Variants in SLC16A2 observed in about 807,000 individuals in gnomAD.
The protein encoded by SLC16A2 is solute carrier family 16 member 2.
Under a neutral mutation model 27.2 loss-of-function variants are expected in SLC16A2, and 3 were observed. The ratio of observed to expected loss-of-function variants is 0.11; its 90% CI spans 0.05 to 0.28. The LOEUF (loss-of-function observed/expected upper bound fraction) is 0.28. Ranked by LOEUF, SLC16A2 falls within the 10% of genes least tolerant of loss-of-function variation. The probability of loss-of-function intolerance (pLI) is 1.00; values close to 1 mark genes in which losing one functional copy is unlikely to be tolerated. For synonymous variants in SLC16A2, 202 were observed against 187.8 expected (o/e 1.08, Z -0.62); for missense variants, 295 against 458.5 (o/e 0.64, Z 3.26).
At chrX:74,524,142 G>GTTAC (rs902587994) in intron 2 of SLC16A2, among the ~76,000 whole-genome samples, 1 of 111,583 alleles carries the variant, frequency 9.0e-6, no homozygotes, top group African/African-American at 3.3e-5. Flanking sequence ...TCCCAGTTAT[G>GTTAC]TTACCTTGGG....
At chrX:74,510,914 A>G (rs1167855360) in intron 1 of SLC16A2, among the ~76,000 whole-genome samples, 42 of 104,865 alleles carry the variant, frequency 4.0e-4, no homozygotes, top group African/African-American at 1.5e-3. Flanking sequence ...AAAAAAAAAT[A>G]GCCGGGTGTG....
chrX:74,476,688 G>A (rs995693562), intron 1 of SLC16A2, among the ~76,000 whole-genome samples: 1 of 112,089 alleles, frequency 8.9e-6, no homozygotes, highest in African/African-American at 3.2e-5. Flanking sequence ...TTAGCATGAA[G>A]GGCTGTTGAA....
chrX:74,469,233 A>G (rs1456008811), intron 1 of SLC16A2, among the ~76,000 whole-genome samples: 2 of 111,768 alleles, frequency 1.8e-5, no homozygotes, highest in African/African-American at 3.2e-5. Flanking sequence ...GTTGATGGGT[A>G]CTTAGGTTGA....
At chrX:74,451,624 G>A (rs1047366667) in intron 1 of SLC16A2, among the ~76,000 whole-genome samples, 3 of 112,730 alleles carry the variant, frequency 2.7e-5, no homozygotes, top group Admixed American at 9.3e-5. Flanking sequence ...TTAGTGATGG[G>A]CCATGAACTA....
chrX:74,466,042 C>T (rs761467066), intron 1 of SLC16A2, among the ~76,000 whole-genome samples: 1 of 111,461 alleles, frequency 9.0e-6, no homozygotes, highest in East Asian at 2.8e-4. Context: ...CAGCAGGAAG[C>T]ATCATTCTTG....
At chrX:74,485,648 T>C (rs895269764) in intron 1 of SLC16A2, among the ~76,000 whole-genome samples, 5 of 111,028 alleles carry the variant, frequency 4.5e-5, no homozygotes, top group African/African-American at 1.6e-4. Flanking sequence ...AATGGAACCT[T>C]GGGCCATGCG....
At chrX:74,495,588 G>A (rs983531442) in intron 1 of SLC16A2, among the ~76,000 whole-genome samples, 2 of 108,300 alleles carry the variant, frequency 1.8e-5, no homozygotes, top group East Asian at 2.9e-4. Flanking sequence ...TGTGACCCTG[G>A]GCAGGGACCT....
intron 1 of SLC16A2, among the ~76,000 whole-genome samples, chrX:74,422,626 C>T (rs781108721): frequency 3.9e-4 from 43 of 111,395 alleles, no homozygotes; most frequent in African/African-American, 1.3e-3. Context: ...GGCAGGCGTG[C>T]GTGTCTGCAA....
In SLC16A2 at chrX:74,524,761, C is replaced by T. The variant is rs536844799; in HGVS notation, c.978C>T (p.Phe326=). The change falls in exon 3 of 6, where the codon TTC becomes TTT. Residue 326 remains phenylalanine (F), a synonymous_variant. Transcript: ENST00000587091. The part of the protein sequence containing the change: ...FRQRTYRIWA[F]GIAAAALGYF... Reference sequence around the variant, plus strand: ...AACGCACTTACCGCATCTGGGCCTTCGGAATTGCTGCTGCTGCCCTTGGCT... The same window carrying T: ...AACGCACTTACCGCATCTGGGCCTTTGGAATTGCTGCTGCTGCCCTTGGCT... The T allele has an allele frequency of 3.4e-5, 41 of 1,209,307 alleles. No homozygotes were observed. The South Asian group carries it at 5.3e-4, about 16-fold the overall frequency.
chrX:74,515,311 T>C (rs374167727), intron 1 of SLC16A2, among the ~76,000 whole-genome samples: 1 of 108,884 alleles, frequency 9.2e-6, no homozygotes, highest in South Asian at 4.1e-4. Flanking sequence ...GAAGAAGGAA[T>C]CAGTGAACTT....
chrX:74,511,893 C>T (rs1421815329), intron 1 of SLC16A2, among the ~76,000 whole-genome samples: 1 of 112,048 alleles, frequency 8.9e-6, no homozygotes, highest in Non-Finnish European at 1.9e-5. Context: ...TAATAAATGA[C>T]GCTCAGCTGG....
At chrX:74,505,427 T>C (rs182758092) in intron 1 of SLC16A2, among the ~76,000 whole-genome samples, 4 of 112,427 alleles carry the variant, frequency 3.6e-5, no homozygotes, top group Non-Finnish European at 7.5e-5. Flanking sequence ...ATGAGCTCTG[T>C]CCATACTTTT....
Position 74,483,534 on chromosome X carries a change from C to T in SLC16A2, c.431-37456C>T, listed in dbSNP as rs940504821. ...AAGATTGTCGTTGTTCCTGACAATA[C>T]TATAGACAAAAACTTCTTCACTCTC... On this transcript the variant is annotated intron_variant, in intron 1 of 5. Transcript: ENST00000587091. 9.0e-5 allele frequency among the ~76,000 whole-genome samples: 10 copies of T among 110,784 alleles called. 1 individual carries two copies. Among genetic ancestry groups the T allele is most frequent in the Admixed American group, 8.6e-4 (9 of 10,446 alleles).
At chrX:74,529,119 T>A in intron 4 of SLC16A2, 94 bp from the exon 5 acceptor site, 1 of 601,734 alleles carries the variant, frequency 1.7e-6, no homozygotes, top group Admixed American at 3.0e-5. Context: ...CCCCATTTTA[T>A]AGATGGTAGA....
chrX:74,521,758 T>C (rs947589939), intron 2 of SLC16A2, among the ~76,000 whole-genome samples: 1 of 112,335 alleles, frequency 8.9e-6, no homozygotes, highest in Non-Finnish European at 1.9e-5. Flanking sequence ...GATAATGATT[T>C]ACATCATGGG....
At chrX:74,445,710 CTA>C (rs1479131744) in intron 1 of SLC16A2, among the ~76,000 whole-genome samples, 1 of 106,240 alleles carries the variant, frequency 9.4e-6, no homozygotes, top group Non-Finnish European at 1.9e-5. Context: ...ACACAATGCA[CTA>C]TACATAGTCA....
chrX:74,505,362 G>A (rs765143336), intron 1 of SLC16A2, among the ~76,000 whole-genome samples: 1 of 111,939 alleles, frequency 8.9e-6, no homozygotes, highest in Non-Finnish European at 1.9e-5. Flanking sequence ...ATCTCTCTCA[G>A]AAAACACTTA....
At chrX:74,427,812 CACACACA>C (rs1928436869) in intron 1 of SLC16A2, among the ~76,000 whole-genome samples, 3 of 30,525 alleles carry the variant, frequency 9.8e-5, no homozygotes, top group East Asian at 0.048. Context: ...CACGCGCGCG[CACACACA>C]CACACACACA....
intron 1 of SLC16A2, among the ~76,000 whole-genome samples, chrX:74,476,377 T>A (rs1198201263): frequency 1.8e-5 from 2 of 112,068 alleles, no homozygotes; most frequent in East Asian, 5.6e-4. Context: ...GAGATTTTGG[T>A]CTGAGACAAT....
Sources: allele counts gnomAD v4.1 joint callset (sites outside exome capture counted in the v4.1 genomes callset), GRCh38; gene constraint gnomAD v4.1.1; transcripts MANE v1.5; gene names NCBI Gene and HGNC (gene_info 2026-07-23, HGNC 2026-07-21).